Variants in IDH3G observed in about 807,000 individuals in gnomAD.
IDH3G encodes isocitrate dehydrogenase (NAD(+)) 3 non-catalytic subunit gamma.
Under a neutral mutation model 26.9 loss-of-function variants are expected in IDH3G, and 9 were observed. The observed-to-expected ratio is 0.34, with a 90% confidence interval of 0.20 to 0.58. The LOEUF is 0.58. Ranked by LOEUF, IDH3G falls within the 20% of genes least tolerant of loss-of-function variation. The pLI, the probability that IDH3G is intolerant of heterozygous loss-of-function variation, is 0.85. For synonymous variants in IDH3G, 181 were observed against 160.0 expected (o/e 1.13, Z -0.99); for missense variants, 250 against 372.8 (o/e 0.67, Z 2.71).
At chrX:153,786,181 G>A (rs782014787) in intron 12 of IDH3G, 31 bp downstream of exon 12, 29 of 1,206,774 alleles carry the variant, frequency 2.4e-5, no homozygotes, top group Admixed American at 6.6e-5. Context: ...ACTGGGCGGG[G>A]CAGCAGGGTA....
intron 5 of IDH3G, among the ~76,000 whole-genome samples, chrX:153,789,418 C>T (rs2092100923): frequency 8.9e-6 from 1 of 112,309 alleles, no homozygotes; most frequent in African/African-American, 3.2e-5. Context: ...GTGGCGGGCG[C>T]CTGTAATCTC....
chrX:153,786,312 G>A (rs782141498), intron 11 of IDH3G, 40 bp from the exon 12 acceptor site: 24 of 1,200,663 alleles, frequency 2.0e-5, no homozygotes, highest in African/African-American at 3.5e-5. Flanking sequence ...CCTGGGGCCC[G>A]GAGGGCTGGC....
chrX:153,790,450 G>C, intron 3 of IDH3G, 114 bp downstream of exon 3: 3 of 938,245 alleles, frequency 3.2e-6, no homozygotes, highest in Non-Finnish European at 4.5e-6. Context: ...GTCCCAGACA[G>C]GGCTGCTCAT....
chrX:153,790,837 G>A lies in IDH3G; in HGVS notation c.96C>T (p.His32=). Residue 32 remains histidine (H), a synonymous_variant, in exon 2 of 13, where the codon CAC becomes CAT. Transcript: ENST00000217901. The part of the protein sequence containing the change: ...LCRPWEVLGA[H]EVPSRNIFSE... The stretch of plus-strand genomic sequence containing the variant: ...AAAAGATGTTCCTCGAGGGGACCTC[G>A]TGGGCGCCTAGAACCTGGCAGAGAC... The A allele has an allele frequency of 1.8e-5, 22 of 1,208,035 alleles. No homozygotes were observed. Among genetic ancestry groups the A allele is most frequent in the South Asian group, 7.0e-5 (4 of 56,836 alleles).
chrX:153,790,773 G>A lies in IDH3G; in HGVS notation c.123+37C>T, dbSNP rs781809435. 7 of 1,194,785 alleles carry A rather than the reference G, an allele frequency of 5.9e-6. No homozygotes were observed. The Admixed American group carries it at 1.3e-4, about 22-fold the overall frequency. ...ACACGCGCACAATTGCGGCCACATG[G>A]AGAAAGACACATGCGTGGGCACGGG... On this transcript the variant is annotated intron_variant, in intron 2 of 12. Coordinates refer to ENST00000217901, the MANE Select transcript of IDH3G (RefSeq NM_004135.4).
intron 10 of IDH3G, 30 bp downstream of exon 10, chrX:153,786,771 G>A: frequency 8.4e-7 from 1 of 1,188,487 alleles, no homozygotes; most frequent in Non-Finnish European, 1.1e-6. Flanking sequence ...GAGAAAGGCG[G>A]CAAGCCGCGG....
In IDH3G at chrX:153,794,352, T is replaced by A. The variant is rs1442813580; in HGVS notation, c.-26A>T. 8.5e-7 allele frequency: 1 copy of A among 1,182,821 alleles called. No individual in the cohort carries two copies. Among genetic ancestry groups the A allele is most frequent in the African/African-American group, 1.7e-5 (1 of 57,143 alleles). On this transcript the variant is annotated 5_prime_UTR_variant, in exon 1 of 13. Transcript: ENST00000217901. ...GACGGAAAGTGAGAGCCTCCGCACGTCCCGACACGCAGATACCGCTCTCGC... is the reference window on the plus strand; with the variant it reads ...GACGGAAAGTGAGAGCCTCCGCACGACCCGACACGCAGATACCGCTCTCGC...
intron 5 of IDH3G, among the ~76,000 whole-genome samples, chrX:153,788,650 C>G (rs1247570917): frequency 1.8e-5 from 2 of 113,058 alleles, no homozygotes; most frequent in Admixed American, 1.9e-4. Flanking sequence ...CCGCTGGAGA[C>G]AGCAGTCAGA....
chrX:153,787,636 G>A (rs1459097508), intron 7 of IDH3G, 39 bp from the exon 8 acceptor site: 1 of 1,195,435 alleles, frequency 8.4e-7, no homozygotes, highest in African/African-American at 1.7e-5. Flanking sequence ...ATGTGCTACT[G>A]AAGAGCAGCA....
Position 153,794,276 on chromosome X carries a change from G to T in IDH3G, c.51C>A (p.Leu17=). The change falls in exon 1 of 13, where the codon CTC becomes CTA. Residue 17 remains leucine (L), a synonymous_variant. Coordinates refer to ENST00000217901, the MANE Select transcript of IDH3G (RefSeq NM_004135.4). ...TVAGSAAKAV[L]GPALLCRPWE... ...AGGGACGGCAGAGAAGGGCTGGCCC[G>T]AGCACCGCCTTCGCGGCGCTGCCGG... The T allele has an allele frequency of 8.3e-7, 1 of 1,201,416 alleles. No homozygotes were observed.
intron 4 of IDH3G, 115 bp downstream of exon 4, chrX:153,790,080 T>C: frequency 1.6e-6 from 1 of 618,479 alleles, no homozygotes. Flanking sequence ...GGCCTGGGCT[T>C]ACAGGTCGTC....
Position 153,790,551 on chromosome X carries a change from G to C in IDH3G, c.135+13C>G. The C allele has an allele frequency of 7.5e-6, 9 of 1,207,030 alleles. No homozygotes were observed. Among genetic ancestry groups the C allele is most frequent in the Non-Finnish European group, 1.0e-5 (9 of 891,341 alleles). On this transcript the variant is annotated intron_variant, in intron 3 of 12. Coordinates refer to ENST00000217901, the MANE Select transcript of IDH3G (RefSeq NM_004135.4). The stretch of plus-strand genomic sequence containing the variant: ...GAGCCCCCCAAACCTAACAGGCAGA[G>C]AAGAATACTCACAATTGTTTGTTCC...
Position 153,794,009 on chromosome X carries a change from G to A in IDH3G, c.81+237C>T, listed in dbSNP as rs1408161358. The A allele has an allele frequency of 1.1e-5, 4 of 353,504 alleles. No individual in the cohort carries two copies. The Admixed American group carries it at 1.5e-4, about 14-fold the overall frequency. 29.1% of individuals were successfully genotyped at this position (353,504 alleles called of 1,213,427 possible). ...ACAGCCGCCGTGGCCCACTCTCCCG[G>A]CCCGTCCGGAGGGCCCCCCGCCACC... On this transcript the variant is annotated intron_variant, in intron 1 of 12. Coordinates refer to ENST00000217901, the MANE Select transcript of IDH3G (RefSeq NM_004135.4).
rs782319725 is a variant in IDH3G at position 153,787,672 on chromosome X, G to A, written c.541-75C>T. On this transcript the variant is annotated intron_variant, in intron 7 of 12. Transcript: ENST00000217901. ...CTGGCCAAACAAGCTGGCGCGACCG[G>A]GCCACCGTGGGAAGCAACCCTGTCT... 46 of 1,153,803 alleles carry A rather than the reference G, an allele frequency of 4.0e-5. No homozygotes were observed. The East Asian group carries it at 1.3e-3, about 32-fold the overall frequency.
chrX:153,789,215 G>A (rs1213022444), intron 5 of IDH3G: 1 of 341,339 alleles, frequency 2.9e-6, no homozygotes, highest in Non-Finnish European at 5.9e-6. Flanking sequence ...AATCAGAGCC[G>A]TGGGGCCCCA....
At chrX:153,793,365 T>A (rs1335858796) in intron 1 of IDH3G, among the ~76,000 whole-genome samples, 1 of 111,908 alleles carries the variant, frequency 8.9e-6, no homozygotes, top group Non-Finnish European at 1.9e-5. Context: ...GGAGAAAACA[T>A]GGCAAGTAGA....
intron 4 of IDH3G, 142 bp from the exon 5 acceptor site, chrX:153,789,966 T>C: frequency 2.0e-6 from 1 of 489,400 alleles, no homozygotes. Context: ...CTTCACTGAC[T>C]GATGGGGACA....
Position 153,786,013 on chromosome X carries a change from C to T in IDH3G, c.1081-40G>A, listed in dbSNP as rs781872253. 1.1e-5 allele frequency: 13 copies of T among 1,210,346 alleles called. No homozygotes were observed. In the South Asian group the frequency reaches 2.3e-4, roughly 21 times the overall value. ...CAGGCTCGGCACACACCAGGCCCTG[C>T]CACCCCCCGCTGTCTCCTGTGACGT... On this transcript the variant is annotated intron_variant, in intron 12 of 12. Coordinates refer to ENST00000217901, the MANE Select transcript of IDH3G (RefSeq NM_004135.4).
At chrX:153,790,172 G>A in intron 4 of IDH3G, 23 bp downstream of exon 4, 8 of 1,162,187 alleles carry the variant, frequency 6.9e-6, no homozygotes, top group East Asian at 3.0e-5. Context: ...TGAGGACAAG[G>A]CGGGGACCCA....
Sources: allele counts gnomAD v4.1 joint callset (sites outside exome capture counted in the v4.1 genomes callset), GRCh38; gene constraint gnomAD v4.1.1; transcripts MANE v1.5; gene names NCBI Gene and HGNC (gene_info 2026-07-23, HGNC 2026-07-21).